The following GLYATL1B variants were observed in gnomAD, a reference collection of about 807,000 sequenced individuals.
GLYATL1B encodes the protein putative glycine N-acyltransferase-like protein 1B.
A neutral mutation model predicts 5.5 loss-of-function variants in GLYATL1B; 6 were observed. The ratio of observed to expected loss-of-function variants is 1.09; its 90% CI spans 0.60 to 2.15. The LOEUF is 2.15. Ranked by LOEUF, GLYATL1B falls within the 30% of genes most tolerant of loss-of-function variation. The pLI, the probability that GLYATL1B is intolerant of heterozygous loss-of-function variation, is 0.00. For missense variants in GLYATL1B, 135 were observed against 94.1 expected, an observed-to-expected ratio of 1.43 and a Z score of -1.80; for synonymous variants, 67 against 34.9, an observed-to-expected ratio of 1.92 and a Z score of -3.24.
intron 1 of GLYATL1B, 79 bp from the exon 2 acceptor site, chr11:59,086,985 T>C (rs1222485688): frequency 2.0e-5 from 10 of 495,986 alleles, no homozygotes; most frequent in Non-Finnish European, 3.2e-5. Context: ...TTGATCTCCA[T>C]TTTTCTCTTC....
intron 2 of GLYATL1B, among the ~76,000 whole-genome samples, chr11:59,090,185 T>A (rs1442109949): frequency 6.6e-6 from 1 of 152,004 alleles, no homozygotes; most frequent in Non-Finnish European, 1.5e-5. Flanking sequence ...TGCTATTTCA[T>A]TGTTTTGTGG....
chr11:59,093,063 G>T (rs1174974994), intron 2 of GLYATL1B, among the ~76,000 whole-genome samples: 1 of 152,172 alleles, frequency 6.6e-6, no homozygotes, highest in South Asian at 2.1e-4. Flanking sequence ...TGTCCCACAG[G>T]GGGTTATGTG....
intron 2 of GLYATL1B, among the ~76,000 whole-genome samples, chr11:59,091,995 G>T (rs540458471): frequency 6.6e-6 from 1 of 152,116 alleles, no homozygotes; most frequent in Admixed American, 6.5e-5. Context: ...ATTTCTATTA[G>T]TTCATTGAAG....
chr11:59,093,701 G>A lies in GLYATL1B; in HGVS notation c.313+46G>A, dbSNP rs535407201. The A allele has an allele frequency of 2.4e-5, 11 of 457,520 alleles. No individual in the cohort carries two copies. In the Admixed American group the frequency reaches 4.5e-4, roughly 19 times the overall value. 28.3% of individuals were successfully genotyped at this position (457,520 alleles called of 1,614,324 possible). A position where few individuals can be genotyped will look rare whatever the true frequency, so the allele number is the denominator to read the frequency against. On this transcript the variant is annotated intron_variant, in intron 3 of 4. Transcript: ENST00000527482. ...GGCAAGCAGCTGTGCTTCTCAAATT[G>A]TGTCTTCAACTAACAGCATTAGCAT...
At chr11:59,092,072 G>A (rs1437308458) in intron 2 of GLYATL1B, among the ~76,000 whole-genome samples, 1 of 152,024 alleles carries the variant, frequency 6.6e-6, no homozygotes, top group Non-Finnish European at 1.5e-5. Flanking sequence ...TTCTTTATCA[G>A]TGAATATGTT....
chr11:59,093,285 A>G (rs1859358217), intron 2 of GLYATL1B, among the ~76,000 whole-genome samples: 2 of 152,348 alleles, frequency 1.3e-5, no homozygotes, highest in South Asian at 4.1e-4. Flanking sequence ...TTTGTTATGT[A>G]TCTGAGAAGC....
intron 2 of GLYATL1B, among the ~76,000 whole-genome samples, chr11:59,090,675 T>C (rs1859289387): frequency 1.3e-5 from 2 of 152,226 alleles, no homozygotes; most frequent in South Asian, 4.1e-4. Context: ...GTGTTATTTG[T>C]TTTTGTTTTC....
At chr11:59,093,750 T>C in intron 3 of GLYATL1B, 95 bp downstream of exon 3, 1 of 443,454 alleles carries the variant, frequency 2.3e-6, no homozygotes, top group Non-Finnish European at 4.0e-6. Flanking sequence ...ATTAGAAATG[T>C]AAATTCCTTG....
intron 2 of GLYATL1B, among the ~76,000 whole-genome samples, chr11:59,091,508 T>C (rs1357233939): frequency 2.0e-5 from 3 of 152,180 alleles, no homozygotes; most frequent in African/African-American, 7.2e-5. Flanking sequence ...CTCCACCCTC[T>C]AGAGTCCATA....
At chr11:59,093,291 G>C (rs189966709) in intron 2 of GLYATL1B, among the ~76,000 whole-genome samples, 1 of 152,194 alleles carries the variant, frequency 6.6e-6, no homozygotes, top group Non-Finnish European at 1.5e-5. Context: ...ATGTATCTGA[G>C]AAGCAGGTTT....
intron 1 of GLYATL1B, 148 bp from the exon 2 acceptor site, chr11:59,086,916 G>A (rs1859204003): frequency 2.4e-6 from 1 of 416,216 alleles, no homozygotes. Flanking sequence ...ATGTCCATCA[G>A]TATGGTCCTG....
chr11:59,094,727 G>T lies in GLYATL1B; in HGVS notation c.850G>T (p.Glu284Ter). 2.2e-6 allele frequency: 1 copy of T among 464,188 alleles called. No homozygotes were observed. The allele number at this position is 464,188 out of a possible 1,614,324, so 28.8% of individuals were successfully genotyped here. ...AAAGACTAGTGCACTAGGTTTCCTT[G>T]AGGCCTCCTGTCAGTGGCACCAATG... ...IRKTSALGFL[E>*]ASCQWHQWNC... is the part of the protein sequence containing the mutation. The change falls in exon 5 of 5, where the codon GAG becomes TAG. Residue 284 changes from glutamate (E) to a stop codon, truncating the protein, a stop_gained. Coordinates refer to ENST00000527482, the MANE Select transcript of GLYATL1B (RefSeq NM_001355566.1). LOFTEE classifies it high-confidence loss of function.
At chr11:59,090,863 T>C (rs1280202608) in intron 2 of GLYATL1B, among the ~76,000 whole-genome samples, 4 of 152,158 alleles carry the variant, frequency 2.6e-5, no homozygotes, top group Non-Finnish European at 5.9e-5. Context: ...GTCTCATTCC[T>C]GATTTTAATG....
chr11:59,086,964 A>T (rs1859205005), intron 1 of GLYATL1B, 100 bp from the exon 2 acceptor site: 1 of 459,444 alleles, frequency 2.2e-6, no homozygotes, highest in African/African-American at 2.0e-5. Context: ...ACTTGGTCCC[A>T]GTACTGTCTC....
intron 2 of GLYATL1B, among the ~76,000 whole-genome samples, chr11:59,087,886 G>A (rs780008199): frequency 1.3e-5 from 2 of 152,166 alleles, no homozygotes; most frequent in Non-Finnish European, 1.5e-5. Context: ...CCAGGGAAGG[G>A]ACACACAATT....
In GLYATL1B at chr11:59,093,926, T is replaced by C. The variant is rs1179134009; in HGVS notation, c.314-8T>C. 2.3e-5 allele frequency: 15 copies of C among 660,232 alleles called. No homozygotes were observed. The highest frequency in any genetic ancestry group is 7.5e-5 in the Admixed American group (3 of 39,886). 40.9% of individuals were successfully genotyped at this position (660,232 alleles called of 1,614,324 possible). A position where few individuals can be genotyped will look rare whatever the true frequency, so the allele number is the denominator to read the frequency against. ...TCTGACAATATTGCTTTCTTGGCTT[T>C]CTCTCAGGTTTTCAAGAAAGTTTAG... On this transcript the variant is annotated splice_polypyrimidine_tract_variant and splice_region_variant and intron_variant, in intron 3 of 4. Coordinates refer to ENST00000527482, the MANE Select transcript of GLYATL1B (RefSeq NM_001355566.1).
Position 59,087,132 on chromosome 11 carries a change from G to A in GLYATL1B, c.147G>A (p.Trp49Ter), listed in dbSNP as rs942160437. The change falls in exon 2 of 5, where the codon TGG becomes TGA. Residue 49 changes from tryptophan (W) to a stop codon, truncating the protein, a stop_gained. Transcript: ENST00000527482. LOFTEE classifies it high-confidence loss of function. ...PFNMEVLVDSWPEYQMVIIRP... is the reference protein window; with the variant it reads ...PFNMEVLVDS ...ACATGGAAGTGTTGGTGGACTCCTG[G>A]CCCGAGTATCAGATGGTTATTATCC... 3.9e-5 allele frequency: 26 copies of A among 661,574 alleles called. No individual in the cohort carries two copies. Among genetic ancestry groups the A allele is most frequent in the Non-Finnish European group, 6.9e-5 (25 of 362,488 alleles). The allele number at this position is 661,574 out of a possible 1,614,324, so 41.0% of individuals were successfully genotyped here. A position where few individuals can be genotyped will look rare whatever the true frequency, so the allele number is the denominator to read the frequency against.
chr11:59,091,505 C>A (rs746065964), intron 2 of GLYATL1B, among the ~76,000 whole-genome samples: 1 of 152,180 alleles, frequency 6.6e-6, no homozygotes. Context: ...TCCCTCCACC[C>A]TCTAGAGTCC....
intron 2 of GLYATL1B, among the ~76,000 whole-genome samples, chr11:59,091,844 A>G (rs1189308480): frequency 6.6e-6 from 1 of 152,198 alleles, no homozygotes; most frequent in Non-Finnish European, 1.5e-5. Flanking sequence ...GGATAAAAAA[A>G]CTTGGTACAT....
Sources: gnomAD v4.1 joint callset for allele counts (sites outside exome capture counted in the v4.1 genomes callset) on GRCh38, gnomAD v4.1.1 for gene constraint, MANE v1.5 for transcripts, NCBI Gene and HGNC (gene_info 2026-07-23, HGNC 2026-07-21) for gene names.